The following GRIK2 variants were observed in gnomAD, a reference collection of about 807,000 sequenced individuals.
GRIK2 encodes glutamate receptor ionotropic, kainate 2.
Under a neutral mutation model 100.3 loss-of-function variants are expected in GRIK2, and 32 were observed. The ratio of observed to expected loss-of-function variants is 0.32; its 90% CI spans 0.24 to 0.43. GRIK2 has a LOEUF of 0.43. Ranked by LOEUF, GRIK2 falls within the 20% of genes least tolerant of loss-of-function variation. GRIK2 has a pLI of 1.00. For missense variants in GRIK2, 843 were observed against 1,114.9 expected, an observed-to-expected ratio of 0.76 and a Z score of 3.47; for synonymous variants, 417 against 389.4, an observed-to-expected ratio of 1.07 and a Z score of -0.83.
At chr6:101,553,923 C>T (rs927332364) in intron 2 of GRIK2, among the ~76,000 whole-genome samples, 2 of 152,196 alleles carry the variant, frequency 1.3e-5, no homozygotes, top group African/African-American at 4.8e-5. Flanking sequence ...TACCGCCTTC[C>T]AGAGGAACTA....
At chr6:101,988,126 TGTGTGTGC>T (rs1262758813) in intron 14 of GRIK2, among the ~76,000 whole-genome samples, 314 of 17,178 alleles carry the variant, frequency 0.018, 2 homozygotes, top group Non-Finnish European at 0.029. Context: ...TGTGTGTGTG[TGTGTGTGC>T]GCGCGCGCGC....
intron 7 of GRIK2, among the ~76,000 whole-genome samples, chr6:101,729,944 ATTAG>A (rs1775145035): frequency 6.6e-6 from 1 of 151,974 alleles, no homozygotes; most frequent in African/African-American, 2.4e-5. Flanking sequence ...ATGAGTGGCA[ATTAG>A]TTGTTTATTG....
At chr6:101,535,427 A>T (rs1381341495) in intron 2 of GRIK2, among the ~76,000 whole-genome samples, 2 of 151,784 alleles carry the variant, frequency 1.3e-5, no homozygotes. Flanking sequence ...TGTCCATGTT[A>T]GATAACTTTT....
At chr6:101,750,021 G>T (rs1776688756) in intron 7 of GRIK2, among the ~76,000 whole-genome samples, 1 of 151,652 alleles carries the variant, frequency 6.6e-6, no homozygotes, top group Admixed American at 6.6e-5. Flanking sequence ...CACCATGTTG[G>T]CCAGGCTGGT....
intron 2 of GRIK2, among the ~76,000 whole-genome samples, chr6:101,613,666 C>T (rs368065334): frequency 6.7e-6 from 1 of 150,292 alleles, no homozygotes; most frequent in South Asian, 2.1e-4. Context: ...ATCTATAATA[C>T]ATTAACTTAT....
intron 2 of GRIK2, among the ~76,000 whole-genome samples, chr6:101,442,586 A>G (rs959965540): frequency 4.6e-5 from 7 of 152,224 alleles, no homozygotes; most frequent in African/African-American, 1.7e-4. Context: ...AGAAGGAAGT[A>G]TAAAACACAA....
At position 101,960,049 on chromosome 6, in the gene GRIK2, TTTTG is replaced by T. The variant is rs761186795; in HGVS notation, c.2085+31421_2085+31424del. Among the ~76,000 whole-genome samples the T allele has an allele frequency of 4.9e-3, 217 of 44,130 alleles. 3 individuals carry two copies. Among genetic ancestry groups the T allele is most frequent in the African/African-American group, 0.02 (181 of 9,262 alleles). 29.0% of individuals were successfully genotyped at this position (44,130 alleles called of 152,430 possible). A position where few individuals can be genotyped will look rare whatever the true frequency, so the allele number is the denominator to read the frequency against. ...TATTTCTCAAAGCCTTTTTTTAGTG[TTTTG>T]TTTTTTTTTTTTTGTCTGACTTGGT... On this transcript the variant is annotated intron_variant, in intron 14 of 16. Coordinates refer to ENST00000369134, the MANE Select transcript of GRIK2 (RefSeq NM_021956.5).
chr6:101,716,959 C>T (rs1047550793), intron 7 of GRIK2, among the ~76,000 whole-genome samples: 1 of 151,816 alleles, frequency 6.6e-6, no homozygotes, highest in African/African-American at 2.4e-5. Flanking sequence ...TTCCCCTTTT[C>T]TATCAGCCTT....
intron 11 of GRIK2, among the ~76,000 whole-genome samples, chr6:101,886,463 T>C (rs188416203): frequency 6.6e-6 from 1 of 152,060 alleles, no homozygotes; most frequent in African/African-American, 2.4e-5. Flanking sequence ...ATATTTGGAA[T>C]AGAATTTTTA....
chr6:101,690,650 G>T (rs1442867717), intron 7 of GRIK2, among the ~76,000 whole-genome samples: 2 of 151,848 alleles, frequency 1.3e-5, no homozygotes, highest in African/African-American at 4.8e-5. Flanking sequence ...AGCCTAAAAA[G>T]CCTTCTATGG....
intron 7 of GRIK2, among the ~76,000 whole-genome samples, chr6:101,778,209 A>T (rs1778869054): frequency 6.6e-6 from 1 of 152,200 alleles, no homozygotes; most frequent in African/African-American, 2.4e-5. Flanking sequence ...TAAAACTAGA[A>T]TGTAAAAGGA....
intron 12 of GRIK2, among the ~76,000 whole-genome samples, chr6:101,922,089 T>TACCTTTCTCCATTTCCC (rs71028087): frequency 3.7e-5 from 1 of 26,858 alleles, no homozygotes; most frequent in Non-Finnish European, 7.8e-5. Flanking sequence ...CCTTCCTTCC[T>TACCTTTCTCCATTTCCC]TCCTTCCTTC....
At chr6:101,755,781 G>T (rs1777099997) in intron 7 of GRIK2, among the ~76,000 whole-genome samples, 1 of 152,164 alleles carries the variant, frequency 6.6e-6, no homozygotes, top group Non-Finnish European at 1.5e-5. Flanking sequence ...ATATGACAAA[G>T]TGGTAACTAA....
At chr6:101,640,863 G>A (rs1000418443) in intron 4 of GRIK2, among the ~76,000 whole-genome samples, 5 of 152,008 alleles carry the variant, frequency 3.3e-5, no homozygotes, top group African/African-American at 9.7e-5. Flanking sequence ...GAAACAAATT[G>A]ACATTAAGTC....
chr6:101,679,196 A>G (rs773574546), intron 5 of GRIK2, among the ~76,000 whole-genome samples: 2 of 152,234 alleles, frequency 1.3e-5, no homozygotes, highest in Non-Finnish European at 2.9e-5. Context: ...AGAAAATGCT[A>G]ATAAAATCCT....
intron 14 of GRIK2, among the ~76,000 whole-genome samples, chr6:102,012,798 C>G (rs961844053): frequency 6.6e-6 from 1 of 152,102 alleles, no homozygotes; most frequent in Non-Finnish European, 1.5e-5. Context: ...GTCTATGTGT[C>G]TGTTTGTGTA....
intron 13 of GRIK2, among the ~76,000 whole-genome samples, chr6:101,927,093 C>G (rs1789951890): frequency 6.6e-6 from 1 of 151,908 alleles, no homozygotes; most frequent in Non-Finnish European, 1.5e-5. Flanking sequence ...CCTTACAGAG[C>G]TGTAGGCAGA....
At chr6:101,752,862 G>A (rs960204616) in intron 7 of GRIK2, among the ~76,000 whole-genome samples, 1 of 152,148 alleles carries the variant, frequency 6.6e-6, no homozygotes, top group Non-Finnish European at 1.5e-5. Flanking sequence ...TGAAAATACT[G>A]TAGATGTATT....
At chr6:101,582,719 G>A (rs1778160160) in intron 2 of GRIK2, among the ~76,000 whole-genome samples, 1 of 152,134 alleles carries the variant, frequency 6.6e-6, no homozygotes, top group Admixed American at 6.6e-5. Context: ...ATTTCAATTT[G>A]TGAAGAGCAT....
Sources: gnomAD v4.1 joint callset for allele counts (sites outside exome capture counted in the v4.1 genomes callset) on GRCh38, gnomAD v4.1.1 for gene constraint, MANE v1.5 for transcripts, NCBI Gene and HGNC (gene_info 2026-07-23, HGNC 2026-07-21) for gene names.